FNIP1: variants seen among roughly 807,000 people sequenced by gnomAD.
FNIP1 encodes folliculin interacting protein 1.
In FNIP1, 40 loss-of-function variants were observed where a neutral mutation model predicts 124.5. The ratio of observed to expected loss-of-function variants is 0.32; its 90% confidence interval spans 0.25 to 0.42. The LOEUF (loss-of-function observed/expected upper bound fraction) is 0.42, where lower values mean the gene tolerates loss of function less well. FNIP1 is among the 10% of genes least tolerant of loss of function. The pLI is 1.00. For synonymous variants in FNIP1, 472 were observed against 470.6 expected (o/e 1.00, Z -0.04); for missense variants, 1,176 against 1,403.7 (o/e 0.84, Z 2.59).
intron 15 of FNIP1, among the ~76,000 whole-genome samples, chr5:131,658,005 C>T (rs926798111): frequency 9.6e-5 from 14 of 145,608 alleles, no homozygotes; most frequent in Non-Finnish European, 1.3e-4. Context: ...CACGCCACTG[C>T]ACTCCAGCCT....
At chr5:131,755,604 C>T (rs932242049) in intron 1 of FNIP1, among the ~76,000 whole-genome samples, 6 of 151,912 alleles carry the variant, frequency 3.9e-5, no homozygotes, top group East Asian at 1.9e-4. Flanking sequence ...TTTTAGGATA[C>T]ATCAATATTT....
At chr5:131,696,169 A>G (rs1768684305) in intron 11 of FNIP1, among the ~76,000 whole-genome samples, 1 of 152,216 alleles carries the variant, frequency 6.6e-6, no homozygotes, top group Non-Finnish European at 1.5e-5. Context: ...ACTTCTAGAA[A>G]CATACAAACA....
At chr5:131,657,784 G>A (rs1208999774) in intron 15 of FNIP1, among the ~76,000 whole-genome samples, 3 of 132,166 alleles carry the variant, frequency 2.3e-5, no homozygotes, top group Admixed American at 7.9e-5. Context: ...TTCAAGATAC[G>A]GATCTTGCAA....
chr5:131,773,882 T>C (rs1004951160), intron 1 of FNIP1, among the ~76,000 whole-genome samples: 2 of 152,198 alleles, frequency 1.3e-5, no homozygotes, highest in Admixed American at 6.5e-5. Flanking sequence ...GAATCATTAG[T>C]CATTCTTAAT....
intron 6 of FNIP1, among the ~76,000 whole-genome samples, chr5:131,713,205 G>A (rs555899147): frequency 9.9e-5 from 15 of 152,054 alleles, no homozygotes; most frequent in South Asian, 2.1e-4. Context: ...CACCACGCCC[G>A]GCTAATTTTC....
intron 1 of FNIP1, among the ~76,000 whole-genome samples, chr5:131,766,290 C>A (rs1214041239): frequency 6.6e-6 from 1 of 152,002 alleles, no homozygotes; most frequent in African/African-American, 2.4e-5. Flanking sequence ...AATCCTCCTG[C>A]CTTGGCTTCC....
At chr5:131,656,178 A>T (rs949140029) in intron 15 of FNIP1, among the ~76,000 whole-genome samples, 1 of 152,186 alleles carries the variant, frequency 6.6e-6, no homozygotes, top group African/African-American at 2.4e-5. Context: ...ACATCATGGG[A>T]TCCACATGGA....
chr5:131,790,731 T>A (rs536866490), intron 1 of FNIP1, among the ~76,000 whole-genome samples: 1 of 152,318 alleles, frequency 6.6e-6, no homozygotes, highest in South Asian at 2.1e-4. Flanking sequence ...CCTACTCTAG[T>A]CTGGAAGAAA....
intron 11 of FNIP1, among the ~76,000 whole-genome samples, chr5:131,693,846 AAACAAC>A (rs1220224824): frequency 6.6e-6 from 1 of 152,132 alleles, no homozygotes; most frequent in Admixed American, 6.5e-5. Flanking sequence ...AAACAAAACA[AAACAAC>A]AACAACAAAA....
At chr5:131,678,952 T>C (rs928939435) in intron 12 of FNIP1, 77 bp downstream of exon 12, 3 of 974,722 alleles carry the variant, frequency 3.1e-6, no homozygotes, top group African/African-American at 3.3e-5. Context: ...ATTCCAAAGA[T>C]AATGGATGAT....
chr5:131,647,948 T>C (rs1216153304), intron 16 of FNIP1, among the ~76,000 whole-genome samples: 1 of 151,984 alleles, frequency 6.6e-6, no homozygotes, highest in African/African-American at 2.4e-5. Flanking sequence ...TAGGAAAGGA[T>C]GTATTCTCCT....
At chr5:131,770,939 C>CT (rs928445219) in intron 1 of FNIP1, among the ~76,000 whole-genome samples, 5 of 151,958 alleles carry the variant, frequency 3.3e-5, no homozygotes, top group Admixed American at 6.6e-5. Flanking sequence ...GATATAAATT[C>CT]TTTTTTTTAT....
intron 15 of FNIP1, among the ~76,000 whole-genome samples, chr5:131,663,732 C>T (rs183177664): frequency 2.0e-5 from 3 of 152,284 alleles, no homozygotes; most frequent in Non-Finnish European, 4.4e-5. Flanking sequence ...CCTGGCTAGG[C>T]TGGGAAAAGT....
chr5:131,694,401 T>A (rs1286934079), intron 11 of FNIP1, among the ~76,000 whole-genome samples: 1 of 152,084 alleles, frequency 6.6e-6, no homozygotes, highest in Non-Finnish European at 1.5e-5. Flanking sequence ...TGAAAAGAAA[T>A]GAGCTATTAG....
chr5:131,759,673 A>G (rs985548931), intron 1 of FNIP1, among the ~76,000 whole-genome samples: 1 of 152,208 alleles, frequency 6.6e-6, no homozygotes, highest in African/African-American at 2.4e-5. Flanking sequence ...CACTGTGGAA[A>G]GCAGTTTGGA....
chr5:131,708,546 T>C (rs1394125529), intron 8 of FNIP1, among the ~76,000 whole-genome samples: 2 of 152,232 alleles, frequency 1.3e-5, no homozygotes, highest in Admixed American at 1.3e-4. Context: ...TAAAGCATTG[T>C]TGGCATCCCT....
At chr5:131,760,821 C>G (rs1004190479) in intron 1 of FNIP1, among the ~76,000 whole-genome samples, 2 of 149,710 alleles carry the variant, frequency 1.3e-5, no homozygotes, top group Non-Finnish European at 3.0e-5. Flanking sequence ...TCACCACCAC[C>G]ACCAAGCAGT....
At chr5:131,646,286 C>A (rs1257729945) in intron 17 of FNIP1, among the ~76,000 whole-genome samples, 1 of 152,208 alleles carries the variant, frequency 6.6e-6, no homozygotes, top group Non-Finnish European at 1.5e-5. Context: ...TGTGTGACAT[C>A]TGGCATGTTA....
intron 2 of FNIP1, among the ~76,000 whole-genome samples, chr5:131,741,618 T>TATTC (rs1467889011): frequency 6.6e-6 from 1 of 152,208 alleles, no homozygotes; most frequent in Non-Finnish European, 1.5e-5. Context: ...AATGGATCAA[T>TATTC]ATTCCACTGT....
Sources: allele counts gnomAD v4.1 joint callset (sites outside exome capture counted in the v4.1 genomes callset), GRCh38; gene constraint gnomAD v4.1.1; transcripts MANE v1.5; gene names NCBI Gene and HGNC (gene_info 2026-07-23, HGNC 2026-07-21).